JARID2: variants seen among roughly 807,000 people sequenced by gnomAD.
JARID2 encodes the protein protein Jumonji.
JARID2 carries 21 observed loss-of-function variants against 125.6 expected under a neutral mutation model. The observed-to-expected ratio is 0.17, with a 90% CI of 0.12 to 0.24. The LOEUF (loss-of-function observed/expected upper bound fraction) is 0.24, where lower values mean the gene tolerates loss of function less well. Ranked by LOEUF, JARID2 falls within the 10% of genes least tolerant of loss-of-function variation. JARID2 has a pLI of 1.00. For synonymous variants in JARID2, 736 were observed against 661.6 expected, an observed-to-expected ratio of 1.11 and a Z score of -1.73; for missense variants, 1,303 against 1,639.6, an observed-to-expected ratio of 0.79 and a Z score of 3.55.
chr6:15,509,230 G>A, intron 12 of JARID2: 2 of 1,210,774 alleles, frequency 1.7e-6, no homozygotes, highest in African/African-American at 1.6e-5. Flanking sequence ...GTTTACGGCG[G>A]CAGATGGGAA....
At chr6:15,506,253 A>G (rs1458745581) in intron 9 of JARID2, among the ~76,000 whole-genome samples, 2 of 152,178 alleles carry the variant, frequency 1.3e-5, no homozygotes, top group Non-Finnish European at 2.9e-5. Flanking sequence ...GGCGCACCAG[A>G]CGCTGGTTGC....
At chr6:15,281,847 C>T (rs557833439) in intron 1 of JARID2, among the ~76,000 whole-genome samples, 2 of 152,160 alleles carry the variant, frequency 1.3e-5, no homozygotes, top group Admixed American at 1.3e-4. Context: ...TAAAACATTT[C>T]TGTCCATACA....
Position 15,520,701 on chromosome 6 carries a change from A to T in JARID2, c.*450A>T. 4 of 453,632 alleles carry T rather than the reference A, an allele frequency of 8.8e-6. No homozygotes were observed. Among genetic ancestry groups the T allele is most frequent in the Non-Finnish European group, 1.8e-5 (4 of 225,048 alleles). 28.1% of individuals were successfully genotyped at this position (453,632 alleles called of 1,614,324 possible). A position where few individuals can be genotyped will look rare whatever the true frequency, so the allele number is the denominator to read the frequency against. ...AGGAGACACACGCGCACACACACAC[A>T]CACACGAAACTTGAAATGGCTTTGC... On this transcript the variant is annotated 3_prime_UTR_variant, in exon 18 of 18. Coordinates refer to ENST00000341776, the MANE Select transcript of JARID2 (RefSeq NM_004973.4).
At chr6:15,510,117 G>C (rs1371016976) in intron 12 of JARID2, among the ~76,000 whole-genome samples, 1 of 152,162 alleles carries the variant, frequency 6.6e-6, no homozygotes, top group African/African-American at 2.4e-5. Context: ...GACCTGGGGG[G>C]CGGGGGCTGT....
chr6:15,410,235 A>G lies in JARID2; in HGVS notation c.193A>G (p.Asn65Asp), dbSNP rs1441810858. The change falls in exon 3 of 18, where the codon AAT (asparagine) becomes GAT (aspartate). Residue 65 changes from asparagine (N) to aspartate (D), a missense_variant. Coordinates refer to ENST00000341776, the MANE Select transcript of JARID2 (RefSeq NM_004973.4). ...SLKTVNGLLGNDQSKGLGPAS... is the reference protein window; with the variant it reads ...SLKTVNGLLGDDQSKGLGPAS... ...TTTCTCACCTGTAGGGCTCCTTGGT[A>G]ATGACCAGTCTAAGGGATTAGGACC... 1 of 1,613,826 alleles carries G rather than the reference A, an allele frequency of 6.2e-7. No homozygotes were observed. The highest frequency in any genetic ancestry group is 8.5e-7 in the Non-Finnish European group (1 of 1,179,878).
chr6:15,258,394 A>C (rs1457619058), intron 1 of JARID2, among the ~76,000 whole-genome samples: 2 of 152,150 alleles, frequency 1.3e-5, no homozygotes, highest in Non-Finnish European at 2.9e-5. Flanking sequence ...CAGTTTCTTC[A>C]TCTTTGAAAG....
intron 7 of JARID2, among the ~76,000 whole-genome samples, chr6:15,497,372 T>C (rs1770501408): frequency 6.6e-6 from 1 of 152,148 alleles, no homozygotes; most frequent in African/African-American, 2.4e-5. Flanking sequence ...ATAAGAATGG[T>C]ATTGAGCTGC....
chr6:15,427,884 CT>C (rs71535041), intron 3 of JARID2, among the ~76,000 whole-genome samples: 441 of 144,492 alleles, frequency 3.1e-3, no homozygotes, highest in Admixed American at 3.1e-3. Flanking sequence ...TTAGACATAC[CT>C]TTTTTTTTTT....
intron 2 of JARID2, among the ~76,000 whole-genome samples, chr6:15,379,838 G>T (rs1198139441): frequency 1.3e-5 from 2 of 152,158 alleles, no homozygotes; most frequent in African/African-American, 4.8e-5. Flanking sequence ...ATAAGACCAG[G>T]CCTTTTGGAT....
intron 2 of JARID2, among the ~76,000 whole-genome samples, chr6:15,404,519 GCACACACA>G (rs3138770): frequency 0.13 from 18,058 of 137,868 alleles, 1,191 homozygotes; most frequent in Middle Eastern, 0.19. Context: ...ATCTTAAAGT[GCACACACA>G]CACACACACA....
At chr6:15,427,020 G>T (rs187352583) in intron 3 of JARID2, among the ~76,000 whole-genome samples, 2 of 152,282 alleles carry the variant, frequency 1.3e-5, no homozygotes, top group Admixed American at 1.3e-4. Flanking sequence ...GTGGCTGTGT[G>T]CAATTTATTT....
chr6:15,289,475 C>G (rs1204464845), intron 1 of JARID2, among the ~76,000 whole-genome samples: 1 of 152,150 alleles, frequency 6.6e-6, no homozygotes, highest in Admixed American at 6.5e-5. Flanking sequence ...TCAAGCAATC[C>G]TCCCGCTTCG....
At chr6:15,350,178 A>G (rs1022234060) in intron 1 of JARID2, among the ~76,000 whole-genome samples, 1 of 152,222 alleles carries the variant, frequency 6.6e-6, no homozygotes, top group Non-Finnish European at 1.5e-5. Context: ...GACCTGAGGC[A>G]TACATCAGTA....
At chr6:15,285,959 A>G (rs991359047) in intron 1 of JARID2, among the ~76,000 whole-genome samples, 1 of 152,216 alleles carries the variant, frequency 6.6e-6, no homozygotes, top group Admixed American at 6.5e-5. Flanking sequence ...GCAATTTCTG[A>G]TGTATAACTA....
At chr6:15,389,887 C>T (rs1230710498) in intron 2 of JARID2, among the ~76,000 whole-genome samples, 1 of 152,182 alleles carries the variant, frequency 6.6e-6, no homozygotes, top group Non-Finnish European at 1.5e-5. Context: ...CCCTTCAGTT[C>T]ATCTTCCTGC....
chr6:15,387,360 G>T (rs1764825848), intron 2 of JARID2, among the ~76,000 whole-genome samples: 1 of 152,198 alleles, frequency 6.6e-6, no homozygotes, highest in South Asian at 2.1e-4. Context: ...TGATATAATA[G>T]AAATTTCCAT....
At chr6:15,469,039 C>T (rs539309444) in intron 5 of JARID2, among the ~76,000 whole-genome samples, 2 of 152,144 alleles carry the variant, frequency 1.3e-5, no homozygotes, top group South Asian at 4.2e-4. Context: ...TCTGTGCCCC[C>T]CTTTAATTAC....
chr6:15,302,716 G>A (rs988106943), intron 1 of JARID2, among the ~76,000 whole-genome samples: 8 of 152,026 alleles, frequency 5.3e-5, no homozygotes, highest in African/African-American at 1.9e-4. Context: ...TGTGATCACA[G>A]GTTATTTGGT....
intron 1 of JARID2, among the ~76,000 whole-genome samples, chr6:15,310,346 C>T (rs1455778480): frequency 1.3e-5 from 2 of 152,178 alleles, no homozygotes; most frequent in Non-Finnish European, 2.9e-5. Context: ...ATATTCTTTA[C>T]AAATGACTAG....
Sources: gnomAD v4.1 joint callset for allele counts (sites outside exome capture counted in the v4.1 genomes callset) on GRCh38, gnomAD v4.1.1 for gene constraint, MANE v1.5 for transcripts, NCBI Gene and HGNC (gene_info 2026-07-23, HGNC 2026-07-21) for gene names.